Variants in MUC17 observed in about 807,000 individuals in gnomAD.
MUC17 encodes mucin 17, cell surface associated, also known as mucin-17.
MUC17 carries 190 observed loss-of-function variants against 170.3 expected under a neutral mutation model. That is an observed-to-expected ratio of 1.12 (90% CI 0.99 to 1.26). The LOEUF (loss-of-function observed/expected upper bound fraction) is 1.26, where lower values mean the gene tolerates loss of function less well. MUC17 is among the 50% of genes most tolerant of loss of function. MUC17 has a pLI of 0.00. For synonymous variants in MUC17, 2,325 were observed against 2,002.5 expected, an observed-to-expected ratio of 1.16 and a Z score of -4.30; for missense variants, 6,415 against 5,530.0, an observed-to-expected ratio of 1.16 and a Z score of -5.08.
At chr7:101,044,983 T>C (rs1252014015) in intron 3 of MUC17, among the ~76,000 whole-genome samples, 4 of 152,322 alleles carry the variant, frequency 2.6e-5, no homozygotes, top group Non-Finnish European at 5.9e-5. Context: ...GCTGTCCTTA[T>C]GTATCCCCTT....
chr7:101,030,847 C>T (rs1794265532), intron 1 of MUC17, among the ~76,000 whole-genome samples: 1 of 152,150 alleles, frequency 6.6e-6, no homozygotes, highest in Non-Finnish European at 1.5e-5. Flanking sequence ...GCGATCCTCT[C>T]CCCCCAGCCT....
chr7:101,036,858 T>G lies in MUC17; in HGVS notation c.5442T>G (p.Pro1814=). The G allele has an allele frequency of 6.2e-7, 1 of 1,608,438 alleles. No homozygotes were observed. Among genetic ancestry groups the G allele is most frequent in the Non-Finnish European group, 8.5e-7 (1 of 1,177,678 alleles). ...GAATGACTCCATTAACAAGCACACC[T>G]GTCAGCCACACGCTGGTGGCCAATT... ...SEGMTPLTST[P]VSHTLVANSE... The change falls in exon 3 of 13, where the codon CCT becomes CCG. Residue 1814 remains proline (P), a synonymous_variant. Transcript: ENST00000306151.
chr7:101,051,706 G>A lies in MUC17; in HGVS notation c.12943+25G>A, dbSNP rs758396557. The stretch of plus-strand genomic sequence containing the variant: ...GGTAGGTGATAACACAAGGGGTTTG[G>A]GGGAAGGCTGGAGAGGTGGGGAGCC... On this transcript the variant is annotated intron_variant, in intron 8 of 12. Transcript: ENST00000306151. 10 of 1,609,768 alleles carry A rather than the reference G, an allele frequency of 6.2e-6. No individual in the cohort carries two copies. In the East Asian group the frequency reaches 2.2e-4, roughly 36 times the overall value.
In MUC17 at chr7:101,036,753, T is replaced by G. The variant is rs757108105; in HGVS notation, c.5337T>G (p.Pro1779=). 1.2e-6 allele frequency: 2 copies of G among 1,612,574 alleles called. No individual in the cohort carries two copies. The highest frequency in any genetic ancestry group is 2.2e-5 in the South Asian group (2 of 90,844). Residue 1779 remains proline, a synonymous_variant, in exon 3 of 13, where the codon CCT becomes CCG. Transcript: ENST00000306151. The stretch of plus-strand genomic sequence containing the variant: ...CAACTCCTATTGACACCAGCACCCC[T>G]GTGACCACTTCTACTGAAGCCACTT... The part of the protein sequence containing the change: ...LSATPIDTST[P]VTTSTEATSS...
Position 101,036,038 on chromosome 7 carries a change from C to A in MUC17, c.4622C>A (p.Thr1541Asn). 1 of 1,612,254 alleles carries A rather than the reference C, an allele frequency of 6.2e-7. No individual in the cohort carries two copies. Among genetic ancestry groups the A allele is most frequent in the Non-Finnish European group, 8.5e-7 (1 of 1,178,950 alleles). Residue 1541 changes from threonine to asparagine, a missense_variant, in exon 3 of 13, where the codon ACC becomes AAC. By Grantham distance (65) the Thr-to-Asn change is moderately conservative (BLOSUM62 0). Transcript: ENST00000306151. ...AGCCTTTCAACAACTCCTGCTGTCA[C>A]CAGCACACCTGTGACCACTTATTCT... ...INSLSTTPAV[T>N]STPVTTYSQA... is the part of the protein sequence containing the mutation.
At position 101,032,392 on chromosome 7, in the gene MUC17, AC is replaced by A; in HGVS notation, c.978del (p.Ser327GlnfsTer10). 1 of 1,613,236 alleles carries A rather than the reference AC, an allele frequency of 6.2e-7. No individual in the cohort carries two copies. The highest frequency in any genetic ancestry group is 8.5e-7 in the Non-Finnish European group (1 of 1,179,742). ...AACGGCTGAAGGCACCAGCATACCA[AC>A]CTCAACTTATACTGAAGGAAGCACT... ...PTTAEGTSIP[T>X]STYTEGSTPL... On this transcript the variant is annotated frameshift_variant, in exon 3 of 13. Coordinates refer to ENST00000306151, the MANE Select transcript of MUC17 (RefSeq NM_001040105.2). LOFTEE classifies it high-confidence loss of function.
rs1291133036 is a variant in MUC17 at position 101,053,071 on chromosome 7, GC to G, written c.13190del (p.Ala4397GlufsTer5). 1 of 1,614,026 alleles carries G rather than the reference GC, an allele frequency of 6.2e-7. No individual in the cohort carries two copies. On this transcript the variant is annotated frameshift_variant, in exon 10 of 13. Coordinates refer to ENST00000306151, the MANE Select transcript of MUC17 (RefSeq NM_001040105.2). LOFTEE classifies it high-confidence loss of function. ...QKSLVYGLVGAGVVLMLIILV... is the reference protein window; with the variant it reads ...QKSLVYGLVGXGVVLMLIILV... ...GAGTCTGGTGTACGGCCTCGTGGGG[GC>G]AGGGGTCGTGCTGATGCTGATCATC...
At position 101,041,121 on chromosome 7, in the gene MUC17, C is replaced by T; in HGVS notation, c.9705C>T (p.Ala3235=). Residue 3235 remains alanine, a synonymous_variant, in exon 3 of 13, where the codon GCC becomes GCT. Coordinates refer to ENST00000306151, the MANE Select transcript of MUC17 (RefSeq NM_001040105.2). ...TACCTGTCAGCAACACGCCGGTGGC[C>T]AGTTCTGAGGCTAGCATCCTTTCAA... is the stretch of plus-strand genomic sequence containing the variant. ...TSVPVSNTPV[A]SSEASILSTT... 6.2e-7 allele frequency: 1 copy of T among 1,613,800 alleles called. No homozygotes were observed. The highest frequency in any genetic ancestry group is 1.7e-5 in the Admixed American group (1 of 59,966).
chr7:101,032,630 T>C lies in MUC17; in HGVS notation c.1214T>C (p.Val405Ala). 3 of 1,613,236 alleles carry C rather than the reference T, an allele frequency of 1.9e-6. No homozygotes were observed. The highest frequency in any genetic ancestry group is 2.5e-6 in the Non-Finnish European group (3 of 1,179,528). The change falls in exon 3 of 13, where the codon GTG becomes GCG. Residue 405 changes from valine to alanine, a missense_variant. Val to Ala is a moderately conservative substitution (Grantham distance 64). Coordinates refer to ENST00000306151, the MANE Select transcript of MUC17 (RefSeq NM_001040105.2). ...AATATGCCTGTCAGCACCATATTGG[T>C]GGCCAGTTCTGAGGCTAGCACCACT... ...LTNMPVSTIL[V>A]ASSEASTTST...
At chr7:101,049,202 A>G (rs1794893234) in intron 5 of MUC17, 122 bp from the exon 6 acceptor site, 2 of 1,486,854 alleles carry the variant, frequency 1.3e-6, no homozygotes, top group Non-Finnish European at 1.9e-6. Context: ...AAACCACTCC[A>G]TTTGATGAGT....
At chr7:101,047,632 C>A (rs972004762) in intron 3 of MUC17, among the ~76,000 whole-genome samples, 17 of 152,230 alleles carry the variant, frequency 1.1e-4, no homozygotes, top group Non-Finnish European at 2.4e-4. Context: ...GAGTTTGAGA[C>A]CAGCCTGGCC....
chr7:101,058,268 G>T lies in MUC17; in HGVS notation c.*224G>T. The T allele has an allele frequency of 2.6e-6, 1 of 387,034 alleles. No individual in the cohort carries two copies. The highest frequency in any genetic ancestry group is 4.7e-6 in the Non-Finnish European group (1 of 214,788). 24.0% of individuals were successfully genotyped at this position (387,034 alleles called of 1,614,324 possible). A position where few individuals can be genotyped will look rare whatever the true frequency, so the allele number is the denominator to read the frequency against. ...ATGGGCTTGTCATGATATCAGGCTA[G>T]GCTTTCCTGCTCATTTTTCAAAGAC... On this transcript the variant is annotated 3_prime_UTR_variant, in exon 13 of 13. Coordinates refer to ENST00000306151, the MANE Select transcript of MUC17 (RefSeq NM_001040105.2).
rs531240466 is a variant in MUC17, at chr7:101,048,079, G to A, written c.12499G>A (p.Glu4167Lys). The A allele has an allele frequency of 6.2e-7, 1 of 1,605,476 alleles. No homozygotes were observed. The highest frequency in any genetic ancestry group is 8.5e-7 in the Non-Finnish European group (1 of 1,176,426). Residue 4167 changes from glutamate (E) to lysine (K), a missense_variant, in exon 4 of 13, where the codon GAG becomes AAG. Transcript: ENST00000306151. ...CCAGTGTCCCAACCTCTATTATGGG[G>A]AGTTGTGTGAGGAGGTGGTCAGCAG... ...KCQCPNLYYG[E>K]LCEEVVSSID...
At chr7:101,054,368 C>T (rs906861042) in intron 11 of MUC17, among the ~76,000 whole-genome samples, 3 of 151,978 alleles carry the variant, frequency 2.0e-5, no homozygotes, top group African/African-American at 7.3e-5. Context: ...TTAGATTTTG[C>T]TAGGTTAAAG....
intron 1 of MUC17, among the ~76,000 whole-genome samples, chr7:101,022,753 C>T (rs1211601379): frequency 6.6e-6 from 1 of 151,986 alleles, no homozygotes; most frequent in Non-Finnish European, 1.5e-5. Flanking sequence ...GAGGTCGAGG[C>T]TGCAGTGAGC....
Position 101,035,453 on chromosome 7 carries a change from C to T in MUC17, c.4037C>T (p.Thr1346Ile). 1 of 1,567,418 alleles carries T rather than the reference C, an allele frequency of 6.4e-7. No individual in the cohort carries two copies. Among genetic ancestry groups the T allele is most frequent in the Non-Finnish European group, 8.6e-7 (1 of 1,160,012 alleles). Residue 1346 changes from threonine (T) to isoleucine (I), a missense_variant, in exon 3 of 13, where the codon ACC (threonine) becomes ATC (isoleucine). Transcript: ENST00000306151. ...CCTTTAACAAGTATACCTGTCAACA[C>T]CACACTGGTGGCCAGTTCTGCAATC... ...RTPLTSIPVN[T>I]TLVASSAISI...
At position 101,037,635 on chromosome 7, in the gene MUC17, T is replaced by TCAGGTGAC; in HGVS notation, c.6222_6229dup (p.Asn2077ArgfsTer2). 6.2e-7 allele frequency: 1 copy of TCAGGTGAC among 1,613,028 alleles called. No individual in the cohort carries two copies. The highest frequency in any genetic ancestry group is 8.5e-7 in the Non-Finnish European group (1 of 1,179,642). ...CAACAACTCCTGTTGACTCCAAAAC[T>TCAGGTGAC]CAGGTGACCAATTCTACTGAAGCCA... On this transcript the variant is annotated frameshift_variant, in exon 3 of 13. Coordinates refer to ENST00000306151, the MANE Select transcript of MUC17 (RefSeq NM_001040105.2). LOFTEE classifies it high-confidence loss of function.
intron 7 of MUC17, 100 bp downstream of exon 7, chr7:101,050,735 T>C: frequency 6.8e-7 from 1 of 1,479,072 alleles, no homozygotes; most frequent in African/African-American, 1.4e-5. Context: ...GGTTAATGGG[T>C]GGGTGCAAGA....
At chr7:101,048,517 G>A (rs1046158864) in intron 4 of MUC17, among the ~76,000 whole-genome samples, 1 of 151,290 alleles carries the variant, frequency 6.6e-6, no homozygotes. Context: ...GATTGCTTGA[G>A]CCCAGGAGGT....
Sources: allele counts gnomAD v4.1 joint callset (sites outside exome capture counted in the v4.1 genomes callset), GRCh38; gene constraint gnomAD v4.1.1; transcripts MANE v1.5; gene names NCBI Gene and HGNC (gene_info 2026-07-23, HGNC 2026-07-21).